PPM1H: variants seen among roughly 807,000 people sequenced by gnomAD.
PPM1H encodes protein phosphatase, Mg2+/Mn2+ dependent 1H, also known as protein phosphatase 1H.
A neutral mutation model predicts 54.9 loss-of-function variants in PPM1H; 27 were observed. The ratio of observed to expected loss-of-function variants is 0.49; its 90% CI spans 0.36 to 0.68. The LOEUF (loss-of-function observed/expected upper bound fraction) is 0.68, where lower values mean the gene tolerates loss of function less well. Among genes scored for constraint, PPM1H ranks in the 30% least tolerant of loss-of-function variants. The pLI is 0.00. For synonymous variants in PPM1H, 305 were observed against 270.8 expected (o/e 1.13, Z -1.24); for missense variants, 596 against 667.8 (o/e 0.89, Z 1.19).
chr12:62,735,911 G>A (rs537245550), intron 5 of PPM1H, among the ~76,000 whole-genome samples: 6 of 152,380 alleles, frequency 3.9e-5, no homozygotes, highest in Middle Eastern at 3.4e-3. Flanking sequence ...GGAAATGGAA[G>A]GTAGTTCTCT....
intron 8 of PPM1H, among the ~76,000 whole-genome samples, chr12:62,669,282 A>T (rs1429979508): frequency 6.6e-6 from 1 of 152,244 alleles, no homozygotes; most frequent in Non-Finnish European, 1.5e-5. Flanking sequence ...TGTATCAGAA[A>T]CAAGCAACCC....
At chr12:62,710,051 G>T (rs184514165) in intron 6 of PPM1H, among the ~76,000 whole-genome samples, 1 of 152,108 alleles carries the variant, frequency 6.6e-6, no homozygotes, top group East Asian at 1.9e-4. Flanking sequence ...TCCAGCCTGG[G>T]CAACAAGAGT....
At chr12:62,648,990 T>TC (rs1179015599) in intron 9 of PPM1H, among the ~76,000 whole-genome samples, 1 of 152,228 alleles carries the variant, frequency 6.6e-6, no homozygotes, top group Admixed American at 6.5e-5. Context: ...ACAAATGGTA[T>TC]CTAGCTTAAA....
At chr12:62,914,831 G>A (rs1871570246) in intron 1 of PPM1H, among the ~76,000 whole-genome samples, 1 of 152,068 alleles carries the variant, frequency 6.6e-6, no homozygotes, top group East Asian at 1.9e-4. Context: ...AGAAAGAAGG[G>A]TATGCGCTAG....
chr12:62,822,824 A>G (rs2076912586), intron 2 of PPM1H, among the ~76,000 whole-genome samples: 2 of 152,196 alleles, frequency 1.3e-5, no homozygotes, highest in South Asian at 4.1e-4. Flanking sequence ...TAACATCACA[A>G]TTAAAAGAAC....
At chr12:62,933,410 G>GC (rs1181391199) in intron 1 of PPM1H, among the ~76,000 whole-genome samples, 1 of 152,124 alleles carries the variant, frequency 6.6e-6, no homozygotes, top group Non-Finnish European at 1.5e-5. Flanking sequence ...CATTGGAAGA[G>GC]CTGATTGGTT....
intron 1 of PPM1H, among the ~76,000 whole-genome samples, chr12:62,883,437 A>G (rs1476202924): frequency 6.6e-6 from 1 of 152,162 alleles, no homozygotes; most frequent in African/African-American, 2.4e-5. Flanking sequence ...GCTTCTCATG[A>G]AGTAGATTCT....
At chr12:62,769,397 C>A (rs1261809653) in intron 4 of PPM1H, among the ~76,000 whole-genome samples, 4 of 152,218 alleles carry the variant, frequency 2.6e-5, no homozygotes, top group Non-Finnish European at 5.9e-5. Flanking sequence ...GTGTGAGCAA[C>A]TGGTCCTCAC....
chr12:62,667,139 G>C, intron 9 of PPM1H, 39 bp downstream of exon 9: 1 of 1,507,264 alleles, frequency 6.6e-7, no homozygotes, highest in Non-Finnish European at 9.1e-7. Context: ...ATGGAAGAAT[G>C]CTTGAGGAAC....
intron 1 of PPM1H, among the ~76,000 whole-genome samples, chr12:62,916,139 T>C (rs969646271): frequency 1.3e-5 from 2 of 152,124 alleles, no homozygotes; most frequent in African/African-American, 2.4e-5. Flanking sequence ...CCCTTGAAAA[T>C]AGAAAATATA....
At chr12:62,839,874 C>CAAAAATAAAAAAAAAAAAAA (rs1868659968) in intron 1 of PPM1H, among the ~76,000 whole-genome samples, 1 of 84,228 alleles carries the variant, frequency 1.2e-5, no homozygotes, top group African/African-American at 4.9e-5. Flanking sequence ...CCTGTTTCTA[C>CAAAAATAAAAAAAAAAAAAA]AAAAAAAAAA....
chr12:62,899,854 T>C (rs1871104310), intron 1 of PPM1H, among the ~76,000 whole-genome samples: 1 of 152,214 alleles, frequency 6.6e-6, no homozygotes, highest in South Asian at 2.1e-4. Flanking sequence ...CAAATTGATA[T>C]GTTGAAATCC....
Position 62,869,392 on chromosome 12 carries a change from G to A in PPM1H, c.246-37113C>T, listed in dbSNP as rs1397723912. Among the ~76,000 whole-genome samples the A allele has an allele frequency of 3.3e-5, 5 of 152,126 alleles. No individual in the cohort carries two copies. The South Asian group carries it at 1.0e-3, about 32-fold the overall frequency. ...CACTTAATCCTCAGAATTCAAAGGG[G>A]CATGTAATATTAATGGTACCATTTT... is the stretch of plus-strand genomic sequence containing the variant. On this transcript the variant is annotated intron_variant, in intron 1 of 9. Coordinates refer to ENST00000228705, the MANE Select transcript of PPM1H (RefSeq NM_020700.2).
intron 1 of PPM1H, among the ~76,000 whole-genome samples, chr12:62,897,511 GACAAT>G (rs1448481997): frequency 1.3e-5 from 2 of 152,082 alleles, no homozygotes; most frequent in East Asian, 3.9e-4. Context: ...CTTTGATTAA[GACAAT>G]ACAATGTCTA....
At chr12:62,876,952 G>A (rs1870194680) in intron 1 of PPM1H, among the ~76,000 whole-genome samples, 1 of 152,140 alleles carries the variant, frequency 6.6e-6, no homozygotes, top group Non-Finnish European at 1.5e-5. Flanking sequence ...GCAAGAATTG[G>A]AACAGGCTCC....
intron 1 of PPM1H, among the ~76,000 whole-genome samples, chr12:62,919,361 T>G (rs748733791): frequency 6.6e-6 from 1 of 151,276 alleles, no homozygotes; most frequent in Non-Finnish European, 1.5e-5. Context: ...AGTCCTAGCC[T>G]GTGGTCCAGG....
chr12:62,874,626 A>G (rs1186985304), intron 1 of PPM1H, among the ~76,000 whole-genome samples: 1 of 152,202 alleles, frequency 6.6e-6, no homozygotes, highest in Non-Finnish European at 1.5e-5. Flanking sequence ...ACTAGGACAC[A>G]GCTGAATCAA....
At chr12:62,890,123 G>T (rs1324297355) in intron 1 of PPM1H, among the ~76,000 whole-genome samples, 1 of 152,142 alleles carries the variant, frequency 6.6e-6, no homozygotes, top group Non-Finnish European at 1.5e-5. Flanking sequence ...ACTTTATCAG[G>T]CATCTCACCA....
chr12:62,663,992 CAA>C (rs66772973), intron 9 of PPM1H, among the ~76,000 whole-genome samples: 47,469 of 139,838 alleles, frequency 0.34, 8,950 homozygotes, highest in Middle Eastern at 0.55. Flanking sequence ...AACTCCATCT[CAA>C]AAAAAAAAAA....
Sources: gnomAD v4.1 joint callset for allele counts (sites outside exome capture counted in the v4.1 genomes callset) on GRCh38, gnomAD v4.1.1 for gene constraint, MANE v1.5 for transcripts, NCBI Gene and HGNC (gene_info 2026-07-23, HGNC 2026-07-21) for gene names.